Variants in NR2F1-AS1 observed in about 807,000 individuals in gnomAD.
NR2F1-AS1 encodes the protein NR2F1 antisense RNA 1.
intron 4 of NR2F1-AS1, among the ~76,000 whole-genome samples, chr5:93,518,708 A>G (rs777229759): frequency 1.3e-5 from 2 of 152,122 alleles, no homozygotes; most frequent in African/African-American, 2.4e-5. Context: ...ACTAAATAAT[A>G]TGCATTTTGA....
chr5:93,419,925 G>A lies in NR2F1-AS1; in HGVS notation n.639-24383C>T, dbSNP rs577368947. 3.0e-4 allele frequency among the ~76,000 whole-genome samples: 45 copies of A among 152,260 alleles called. 1 individual carries two copies. Among genetic ancestry groups the A allele is most frequent in the African/African-American group, 9.6e-4 (40 of 41,570 alleles). On this transcript the variant is annotated intron_variant and non_coding_transcript_variant, in intron 4 of 5. Coordinates refer to ENST00000660523, the Ensembl canonical transcript of NR2F1-AS1. ...ATTATATCATCTTGGGGCCGGGCAT[G>A]GTGGCTCATGCCTGTAATCCCAGCA...
intron 4 of NR2F1-AS1, among the ~76,000 whole-genome samples, chr5:93,490,493 GT>G (rs1580271394): frequency 6.6e-6 from 1 of 151,320 alleles, no homozygotes; most frequent in East Asian, 2.0e-4. Flanking sequence ...GGCAGTGGTG[GT>G]GGTCTTGGTA....
At chr5:93,493,882 A>G (rs1561467174) in intron 4 of NR2F1-AS1, among the ~76,000 whole-genome samples, 2 of 152,158 alleles carry the variant, frequency 1.3e-5, no homozygotes, top group Non-Finnish European at 2.9e-5. Flanking sequence ...TGAAAGCTAC[A>G]ATTATAGGAC....
chr5:93,416,495 G>A (rs1213901152), intron 4 of NR2F1-AS1, among the ~76,000 whole-genome samples: 3 of 152,186 alleles, frequency 2.0e-5, no homozygotes, highest in East Asian at 1.9e-4. Flanking sequence ...TTGAATGAAT[G>A]AAAAGTCTAA....
At chr5:93,565,915 T>G (rs2149923380) in intron 1 of NR2F1-AS1, among the ~76,000 whole-genome samples, 1 of 151,816 alleles carries the variant, frequency 6.6e-6, no homozygotes, top group East Asian at 1.9e-4. Context: ...AAAATAAATT[T>G]TATTACTAAT....
At position 93,436,906 on chromosome 5, in the gene NR2F1-AS1, A is replaced by G. The variant is rs528757217; in HGVS notation, n.639-41364T>C. Among the ~76,000 whole-genome samples, 3 of 152,028 alleles carry G rather than the reference A, an allele frequency of 2.0e-5. No individual in the cohort carries two copies. The East Asian group carries it at 5.8e-4, about 29-fold the overall frequency. Reference sequence around the variant, plus strand: ...ACTCAAGGACCTAATGATACAACCTACAGCCCTAATTTACCTTCCAAGATG... The same window carrying G: ...ACTCAAGGACCTAATGATACAACCTGCAGCCCTAATTTACCTTCCAAGATG... On this transcript the variant is annotated intron_variant and non_coding_transcript_variant, in intron 4 of 5. Coordinates refer to ENST00000660523, the Ensembl canonical transcript of NR2F1-AS1.
intron 4 of NR2F1-AS1, among the ~76,000 whole-genome samples, chr5:93,534,337 A>G (rs1011920267): frequency 3.9e-5 from 6 of 152,190 alleles, no homozygotes; most frequent in Non-Finnish European, 7.3e-5. Context: ...ATGCCAATAC[A>G]TGTGTTCTAA....
At chr5:93,581,739 T>C (rs1580353958), upstream of NR2F1-AS1, among the ~76,000 whole-genome samples, 1 of 25,774 alleles carries the variant, frequency 3.9e-5, no homozygotes, top group Non-Finnish European at 6.6e-5. Context: ...TCTCTCCCCC[T>C]CTCCCTCTCC....
At chr5:93,487,917 G>C (rs1037095100) in intron 4 of NR2F1-AS1, among the ~76,000 whole-genome samples, 1 of 152,134 alleles carries the variant, frequency 6.6e-6, no homozygotes, top group Non-Finnish European at 1.5e-5. Context: ...GAACAGAACA[G>C]AGGCCTCAGA....
chr5:93,415,993 C>T lies in NR2F1-AS1; in HGVS notation n.639-20451G>A, dbSNP rs1370444843. 5.9e-5 allele frequency among the ~76,000 whole-genome samples: 9 copies of T among 152,266 alleles called. No individual in the cohort carries two copies. The East Asian group carries it at 9.7e-4, about 16-fold the overall frequency. ...CAAGTGGTGCCCATTTGCCAGTCAT[C>T]GAAGTAATTCAGTCTGCTCTGTTGA... is the stretch of plus-strand genomic sequence containing the variant. On this transcript the variant is annotated intron_variant and non_coding_transcript_variant, in intron 4 of 5. Coordinates refer to ENST00000660523, the Ensembl canonical transcript of NR2F1-AS1.
upstream of NR2F1-AS1, chr5:93,583,599 GA>G (rs1185140904): frequency 6.6e-6 from 1 of 151,608 alleles, no homozygotes; most frequent in African/African-American, 2.4e-5. Context: ...ATACATATAT[GA>G]TTTTTTTTGG....
At chr5:93,578,138 C>G (rs1033762448) in intron 1 of NR2F1-AS1, among the ~76,000 whole-genome samples, 1 of 152,118 alleles carries the variant, frequency 6.6e-6, no homozygotes, top group African/African-American at 2.4e-5. Flanking sequence ...TGTTAACAGA[C>G]AGACAGTCCG....
At chr5:93,576,529 A>C (rs1250711151) in intron 1 of NR2F1-AS1, among the ~76,000 whole-genome samples, 2 of 152,070 alleles carry the variant, frequency 1.3e-5, no homozygotes, top group Non-Finnish European at 2.9e-5. Flanking sequence ...GTTTAGAAGG[A>C]AATGTTAGGT....
chr5:93,458,273 C>G (rs1274891888), intron 4 of NR2F1-AS1, among the ~76,000 whole-genome samples: 32 of 152,122 alleles, frequency 2.1e-4, no homozygotes, highest in Non-Finnish European at 4.1e-4. Flanking sequence ...AATTGGAGGA[C>G]TTAAAGCCAT....
intron 4 of NR2F1-AS1, among the ~76,000 whole-genome samples, chr5:93,499,467 A>T (rs1392944816): frequency 6.6e-6 from 1 of 152,106 alleles, no homozygotes; most frequent in Non-Finnish European, 1.5e-5. Context: ...TGGTATGGTG[A>T]TCTGTGATCA....
At chr5:93,527,603 A>G (rs1196684491) in intron 4 of NR2F1-AS1, among the ~76,000 whole-genome samples, 2 of 152,200 alleles carry the variant, frequency 1.3e-5, no homozygotes, top group African/African-American at 4.8e-5. Context: ...ACTATACTAC[A>G]AGGCTACAGT....
rs368751913 is a variant in NR2F1-AS1 at position 93,534,095 on chromosome 5, T to C, written n.638+19666A>G. On this transcript the variant is annotated intron_variant and non_coding_transcript_variant, in intron 4 of 5. Transcript: ENST00000660523. ...GTGTCACAACAACAACAAAATAACATAGCCTTTAGAAAACAAAGTATACAA... is the reference window on the plus strand; with the variant it reads ...GTGTCACAACAACAACAAAATAACACAGCCTTTAGAAAACAAAGTATACAA... 3.1e-4 allele frequency among the ~76,000 whole-genome samples: 47 copies of C among 152,248 alleles called. 1 individual carries two copies. Among genetic ancestry groups the C allele is most frequent in the East Asian group, 2.1e-3 (11 of 5,188 alleles).
At chr5:93,499,789 AAGTGCTACTCCTGTGAAC>A (rs1363447867) in intron 4 of NR2F1-AS1, among the ~76,000 whole-genome samples, 3 of 152,230 alleles carry the variant, frequency 2.0e-5, no homozygotes, top group Non-Finnish European at 2.9e-5. Flanking sequence ...AGGAAATTAA[AAGTGCTACTCCTGTGAAC>A]ACATGAATGA....
At chr5:93,520,689 C>T (rs569916248) in intron 4 of NR2F1-AS1, among the ~76,000 whole-genome samples, 67 of 152,050 alleles carry the variant, frequency 4.4e-4, no homozygotes, top group African/African-American at 1.6e-3. Context: ...TTCTCGTCTT[C>T]CATCAAAAAC....
Sources: allele counts gnomAD v4.1 joint callset (sites outside exome capture counted in the v4.1 genomes callset), GRCh38; gene constraint gnomAD v4.1.1; transcripts MANE v1.5; gene names NCBI Gene and HGNC (gene_info 2026-07-23, HGNC 2026-07-21).